The following C12orf42 variants were observed in gnomAD, a reference collection of about 807,000 sequenced individuals.
C12orf42 encodes the protein uncharacterized protein C12orf42.
C12orf42 carries 25 observed loss-of-function variants against 21.6 expected under a neutral mutation model. That is an observed-to-expected ratio of 1.16 (90% CI 0.84 to 1.62). C12orf42 has a LOEUF of 1.62. Ranked by LOEUF, C12orf42 falls within the 40% of genes most tolerant of loss-of-function variation. The pLI, the probability that C12orf42 is intolerant of heterozygous loss-of-function variation, is 0.00. For missense variants in C12orf42, 483 were observed against 459.3 expected (o/e 1.05, Z -0.47); for synonymous variants, 174 against 175.0 (o/e 0.99, Z 0.05).
intron 2 of C12orf42, among the ~76,000 whole-genome samples, chr12:103,430,898 G>A (rs1477376296): frequency 6.6e-6 from 1 of 152,144 alleles, no homozygotes; most frequent in African/African-American, 2.4e-5. Flanking sequence ...TCACTCATAA[G>A]TGAGAGTTGA....
chr12:103,112,193 G>T, the C12orf42 span, among the ~76,000 whole-genome samples: 6 of 152,206 alleles, frequency 3.9e-5, no homozygotes, highest in African/African-American at 1.2e-4. Context: ...GCCTGGCCAG[G>T]ATGAGGCCAG....
the C12orf42 span, among the ~76,000 whole-genome samples, chr12:103,073,291 T>C: frequency 2.0e-5 from 3 of 152,122 alleles, no homozygotes; most frequent in Non-Finnish European, 4.4e-5. Context: ...CAAGTTTACC[T>C]ATGTAACAAA....
chr12:103,130,469 C>T, the C12orf42 span, among the ~76,000 whole-genome samples: 1 of 151,960 alleles, frequency 6.6e-6, no homozygotes, highest in Non-Finnish European at 1.5e-5. Flanking sequence ...CTTACAACAG[C>T]CCTTTGAATT....
the C12orf42 span, among the ~76,000 whole-genome samples, chr12:103,144,136 G>A: frequency 6.6e-6 from 1 of 152,294 alleles, no homozygotes; most frequent in South Asian, 2.1e-4. Flanking sequence ...TATTTATGGG[G>A]AGACTCTTAG....
chr12:103,464,196 G>T (rs1592925178), intron 2 of C12orf42, among the ~76,000 whole-genome samples: 1 of 152,140 alleles, frequency 6.6e-6, no homozygotes, highest in Non-Finnish European at 1.5e-5. Flanking sequence ...CACCAACAGT[G>T]TAAAAGCCTT....
chr12:103,176,511 C>T, the C12orf42 span, among the ~76,000 whole-genome samples: 1 of 152,048 alleles, frequency 6.6e-6, no homozygotes, highest in Non-Finnish European at 1.5e-5. Context: ...GAATGGAGTC[C>T]CAATTTTCTG....
At chr12:103,497,358 T>A (rs76957826), upstream of C12orf42, among the ~76,000 whole-genome samples, 3,153 of 152,290 alleles carry the variant, frequency 0.021, 110 homozygotes, top group African/African-American at 0.072. Context: ...TACAAGGTAC[T>A]CCTAAATACA....
At chr12:103,442,982 T>C (rs1196937284) in intron 2 of C12orf42, among the ~76,000 whole-genome samples, 1 of 152,076 alleles carries the variant, frequency 6.6e-6, no homozygotes, top group Non-Finnish European at 1.5e-5. Flanking sequence ...CGGCAGGTGC[T>C]CTAAGCAGCT....
the C12orf42 span, among the ~76,000 whole-genome samples, chr12:103,112,810 T>C: frequency 6.6e-6 from 1 of 152,212 alleles, no homozygotes; most frequent in Non-Finnish European, 1.5e-5. Flanking sequence ...TGCCAAGCTC[T>C]CCATGGCTGA....
At chr12:103,131,732 T>C in the C12orf42 span, among the ~76,000 whole-genome samples, 1 of 152,208 alleles carries the variant, frequency 6.6e-6, no homozygotes, top group South Asian at 2.1e-4. Context: ...TTGCTCCTGA[T>C]AGTGGTGGCA....
the C12orf42 span, among the ~76,000 whole-genome samples, chr12:103,229,914 C>A: frequency 6.6e-6 from 1 of 152,326 alleles, no homozygotes; most frequent in South Asian, 2.1e-4. Flanking sequence ...GAAGCCACCA[C>A]ATCCGAGGAG....
the C12orf42 span, among the ~76,000 whole-genome samples, chr12:103,072,988 T>C: frequency 6.6e-6 from 1 of 152,170 alleles, no homozygotes; most frequent in Non-Finnish European, 1.5e-5. Flanking sequence ...CATGAAATAC[T>C]ATCTAGCCAC....
the C12orf42 span, among the ~76,000 whole-genome samples, chr12:103,540,101 G>A: frequency 1.3e-5 from 2 of 150,874 alleles, no homozygotes; most frequent in Non-Finnish European, 3.0e-5. Context: ...TCTGCCTCCT[G>A]GGTTCAAGCG....
intron 10 of C12orf42, among the ~76,000 whole-genome samples, chr12:103,253,799 AAAC>A (rs2034422717): frequency 6.6e-6 from 1 of 151,158 alleles, no homozygotes; most frequent in African/African-American, 2.4e-5. Flanking sequence ...TTAAGGTGAT[AAAC>A]AACTTTGTCC....
chr12:103,082,336 G>A, the C12orf42 span, among the ~76,000 whole-genome samples: 1 of 152,080 alleles, frequency 6.6e-6, no homozygotes, highest in Admixed American at 6.6e-5. Flanking sequence ...GACAGTTCTG[G>A]GAAAACTGGA....
chr12:103,192,434 C>A, the C12orf42 span, among the ~76,000 whole-genome samples: 1 of 147,002 alleles, frequency 6.8e-6, no homozygotes, highest in African/African-American at 2.5e-5. Context: ...ACCTGGGAGG[C>A]AGAGGTTGCA....
chr12:103,294,856 CA>C (rs1308868236), intron 4 of C12orf42, among the ~76,000 whole-genome samples: 2 of 152,054 alleles, frequency 1.3e-5, no homozygotes, highest in African/African-American at 4.8e-5. Context: ...TGTCATAACC[CA>C]GGTATTAGGC....
At chr12:103,254,101 T>C (rs1388247311) in intron 10 of C12orf42, among the ~76,000 whole-genome samples, 3 of 152,214 alleles carry the variant, frequency 2.0e-5, no homozygotes, top group Non-Finnish European at 2.9e-5. Flanking sequence ...AGGGTTTTTA[T>C]AGTTTTGAGA....
chr12:103,053,647 G>A, the C12orf42 span, among the ~76,000 whole-genome samples: 2 of 151,812 alleles, frequency 1.3e-5, no homozygotes, highest in African/African-American at 2.4e-5. Context: ...TTGTGTTTGC[G>A]ATGTTAATCT....
Sources: gnomAD v4.1 joint callset for allele counts (sites outside exome capture counted in the v4.1 genomes callset) on GRCh38, gnomAD v4.1.1 for gene constraint, MANE v1.5 for transcripts, NCBI Gene and HGNC (gene_info 2026-07-23, HGNC 2026-07-21) for gene names.